The following UBE3A variants were observed in gnomAD, a reference collection of about 807,000 sequenced individuals.
UBE3A encodes the protein ubiquitin protein ligase E3A.
A neutral mutation model predicts 83.4 loss-of-function variants in UBE3A; 6 were observed. The observed-to-expected ratio is 0.07, with a 90% CI of 0.04 to 0.14. The LOEUF (loss-of-function observed/expected upper bound fraction) is 0.14. Among genes scored for constraint, UBE3A ranks in the 10% least tolerant of loss-of-function variants. The pLI, the probability that UBE3A is intolerant of heterozygous loss-of-function variation, is 1.00. For synonymous variants in UBE3A, 337 were observed against 355.4 expected, an observed-to-expected ratio of 0.95 and a Z score of 0.58; for missense variants, 456 against 1,036.1, an observed-to-expected ratio of 0.44 and a Z score of 7.69.
chr15:25,382,021 T>C (rs1042883821), intron 4 of UBE3A, among the ~76,000 whole-genome samples: 13 of 152,192 alleles, frequency 8.5e-5, no homozygotes, highest in Admixed American at 2.6e-4. Flanking sequence ...AACCTTCAAT[T>C]ACTGTTTTAT....
At chr15:25,405,593 C>T in intron 3 of UBE3A, 91 bp from the exon 4 acceptor site, 1 of 1,383,022 alleles carries the variant, frequency 7.2e-7, no homozygotes, top group Non-Finnish European at 1.0e-6. Flanking sequence ...ATTTTGTAAA[C>T]AAGATTTAAG....
intron 4 of UBE3A, among the ~76,000 whole-genome samples, chr15:25,379,257 G>A (rs1382276325): frequency 6.6e-6 from 1 of 152,122 alleles, no homozygotes; most frequent in Non-Finnish European, 1.5e-5. Context: ...TACTATTATT[G>A]TTGTAATTGT....
intron 1 of UBE3A, chr15:25,420,810 T>C (rs757919969): frequency 6.6e-6 from 1 of 152,036 alleles, no homozygotes; most frequent in Non-Finnish European, 1.5e-5. Flanking sequence ...CCTAAGTACA[T>C]AACCAAAAGA....
At chr15:25,408,399 T>G in intron 3 of UBE3A, 1 of 621,312 alleles carries the variant, frequency 1.6e-6, no homozygotes, top group Non-Finnish European at 2.8e-6. Context: ...GGGAAATTTT[T>G]GTATTAAACT....
In UBE3A at chr15:25,338,591, ACT is replaced by A. The variant is rs2074201507; in HGVS notation, c.*544_*545del. The A allele has an allele frequency of 6.6e-6, 1 of 152,106 alleles. No homozygotes were observed. Among genetic ancestry groups the A allele is most frequent in the Non-Finnish European group, 1.5e-5 (1 of 67,986 alleles). 9.4% of individuals were successfully genotyped at this position (152,106 alleles called of 1,614,324 possible). On this transcript the variant is annotated 3_prime_UTR_variant, in exon 13 of 13. Transcript: ENST00000648336. ...GCTAGAACAGCAGTAATTGCATCAC[ACT>A]GTTTTCAAGACTTCAAGTTTCAAAA...
chr15:25,339,728 T>C (rs562308895), intron 12 of UBE3A: 1 of 334,550 alleles, frequency 3.0e-6, no homozygotes, highest in East Asian at 7.8e-5. Context: ...AATGATTTGA[T>C]AACAGGATTC....
At chr15:25,345,187 C>T (rs536380149) in intron 11 of UBE3A, among the ~76,000 whole-genome samples, 3 of 152,232 alleles carry the variant, frequency 2.0e-5, no homozygotes, top group Admixed American at 6.5e-5. Flanking sequence ...CACTGGAAAG[C>T]ACAGGCCAAT....
At chr15:25,402,971 T>C (rs10519489) in intron 4 of UBE3A, among the ~76,000 whole-genome samples, 18,137 of 152,192 alleles carry the variant, frequency 0.12, 1,156 homozygotes, top group Middle Eastern at 0.23. Context: ...CACTTTGGTC[T>C]GGCATCCCAA....
At chr15:25,386,266 T>G (rs1345400413) in intron 4 of UBE3A, among the ~76,000 whole-genome samples, 2 of 152,164 alleles carry the variant, frequency 1.3e-5, no homozygotes, top group African/African-American at 4.8e-5. Flanking sequence ...ACCACATTAC[T>G]AAATGCTCAT....
At position 25,338,628 on chromosome 15, in the gene UBE3A, TAAAA is replaced by T. The variant is rs1166442089; in HGVS notation, c.*505_*508del. On this transcript the variant is annotated 3_prime_UTR_variant, in exon 13 of 13. Transcript: ENST00000648336. ...ACTTCAAGTTTCAAAAGCAAATCAT[TAAAA>T]AAAATACAGTTCCTGATTTGAGTTA... 6.6e-6 allele frequency: 1 copy of T among 151,692 alleles called. No individual in the cohort carries two copies. Among genetic ancestry groups the T allele is most frequent in the African/African-American group, 2.4e-5 (1 of 41,280 alleles). 9.4% of individuals were successfully genotyped at this position (151,692 alleles called of 1,614,324 possible). A position where few individuals can be genotyped will look rare whatever the true frequency, so the allele number is the denominator to read the frequency against.
At chr15:25,386,307 T>C (rs1429360240) in intron 4 of UBE3A, among the ~76,000 whole-genome samples, 2 of 152,252 alleles carry the variant, frequency 1.3e-5, no homozygotes, top group African/African-American at 2.4e-5. Flanking sequence ...TAGTACATCA[T>C]GTCCAAGCTA....
intron 4 of UBE3A, among the ~76,000 whole-genome samples, chr15:25,387,470 C>G (rs1021243909): frequency 1.3e-5 from 2 of 151,336 alleles, no homozygotes; most frequent in African/African-American, 2.4e-5. Flanking sequence ...TGCGGTGAGC[C>G]GAGATCGAGC....
At chr15:25,415,058 A>C (rs1229805361) in intron 1 of UBE3A, among the ~76,000 whole-genome samples, 1 of 152,212 alleles carries the variant, frequency 6.6e-6, no homozygotes, top group Non-Finnish European at 1.5e-5. Flanking sequence ...TCTGATTCTA[A>C]AGACCACGCT....
intron 1 of UBE3A, among the ~76,000 whole-genome samples, chr15:25,424,667 A>G (rs1002449323): frequency 6.6e-6 from 1 of 152,224 alleles, no homozygotes; most frequent in Admixed American, 6.5e-5. Flanking sequence ...AACACAGTTA[A>G]GAGGAAAAAA....
chr15:25,360,622 C>G (rs2077908828), intron 6 of UBE3A, 95 bp from the exon 7 acceptor site: 1 of 1,452,512 alleles, frequency 6.9e-7, no homozygotes, highest in African/African-American at 1.4e-5. Flanking sequence ...GAAACAAATA[C>G]AAATTTTTGA....
At chr15:25,376,483 A>G (rs1460730159) in intron 4 of UBE3A, among the ~76,000 whole-genome samples, 1 of 151,988 alleles carries the variant, frequency 6.6e-6, no homozygotes, top group African/African-American at 2.4e-5. Context: ...TACTCTCTAC[A>G]AACTTTTTTA....
At chr15:25,365,045 C>A (rs572997714) in intron 6 of UBE3A, among the ~76,000 whole-genome samples, 45 of 152,224 alleles carry the variant, frequency 3.0e-4, no homozygotes, top group African/African-American at 9.6e-4. Flanking sequence ...ACAAAAATAT[C>A]CTGGATATAA....
At chr15:25,409,254 C>A in intron 2 of UBE3A, 47 bp from the exon 3 acceptor site, 2 of 580,556 alleles carry the variant, frequency 3.4e-6, no homozygotes, top group South Asian at 3.4e-5. Flanking sequence ...AATATATAAA[C>A]CCAATTCATT....
chr15:25,439,007 G>C lies in UBE3A; in HGVS notation c.-683C>G, dbSNP rs1896019367. On this transcript the variant is annotated 5_prime_UTR_variant, in exon 1 of 13. Transcript: ENST00000648336. ...GAGACACACGGATCTCGCGGCCGCG[G>C]CGCAAGACGGGAGGACTGGCTGGGC... 1 of 152,072 alleles carries C rather than the reference G, an allele frequency of 6.6e-6. No homozygotes were observed. Among genetic ancestry groups the C allele is most frequent in the Non-Finnish European group, 1.5e-5 (1 of 68,026 alleles). The allele number at this position is 152,072 out of a possible 1,614,324, so 9.4% of individuals were successfully genotyped here.
Sources: allele counts gnomAD v4.1 joint callset (sites outside exome capture counted in the v4.1 genomes callset), GRCh38; gene constraint gnomAD v4.1.1; transcripts MANE v1.5; gene names NCBI Gene and HGNC (gene_info 2026-07-23, HGNC 2026-07-21).